CTTNBP2: variants seen among roughly 807,000 people sequenced by gnomAD.
CTTNBP2 encodes cortactin binding protein 2.
Under a neutral mutation model 156.9 loss-of-function variants are expected in CTTNBP2, and 108 were observed. The ratio of observed to expected loss-of-function variants is 0.69; its 90% CI spans 0.59 to 0.81. The LOEUF (loss-of-function observed/expected upper bound fraction) is 0.81, where lower values mean the gene tolerates loss of function less well. Among genes scored for constraint, CTTNBP2 ranks in the 30% least tolerant of loss-of-function variants. The probability of loss-of-function intolerance (pLI) is 0.00; values close to 1 mark genes in which losing one functional copy is unlikely to be tolerated. For missense variants in CTTNBP2, 1,924 were observed against 2,035.4 expected (o/e 0.95, Z 1.05); for synonymous variants, 767 against 751.8 (o/e 1.02, Z -0.33).
intron 3 of CTTNBP2, among the ~76,000 whole-genome samples, chr7:117,795,044 G>A (rs1030547307): frequency 1.3e-5 from 2 of 151,346 alleles, no homozygotes; most frequent in Non-Finnish European, 2.9e-5. Context: ...ACAGGCGCCC[G>A]CCACCGCGCC....
chr7:117,762,045 A>G (rs1797243693), intron 9 of CTTNBP2, among the ~76,000 whole-genome samples: 1 of 152,002 alleles, frequency 6.6e-6, no homozygotes, highest in Admixed American at 6.6e-5. Context: ...GATCTCCTGT[A>G]CCTCCTCGGT....
intron 1 of CTTNBP2, among the ~76,000 whole-genome samples, chr7:117,865,462 A>G (rs2117274959): frequency 6.6e-6 from 1 of 151,854 alleles, no homozygotes; most frequent in South Asian, 2.1e-4. Flanking sequence ...GGAGTTCAAG[A>G]CCAGCCTGGG....
intron 8 of CTTNBP2, among the ~76,000 whole-genome samples, chr7:117,776,462 G>A (rs1798105404): frequency 6.6e-6 from 1 of 152,114 alleles, no homozygotes; most frequent in Non-Finnish European, 1.5e-5. Flanking sequence ...AAGGCCCTGG[G>A]CCCTGCTGTG....
In CTTNBP2 at chr7:117,831,984, C is replaced by G. The variant is rs147780509; in HGVS notation, c.190-20995G>C. Among the ~76,000 whole-genome samples, 15 of 152,252 alleles carry G rather than the reference C, an allele frequency of 9.9e-5. No homozygotes were observed. In the East Asian group the frequency reaches 2.3e-3, roughly 24 times the overall value. On this transcript the variant is annotated intron_variant, in intron 2 of 22. Coordinates refer to ENST00000160373, the MANE Select transcript of CTTNBP2 (RefSeq NM_033427.3). ...ATGACCAAAATGACATATTCCAAAC[C>G]CTTAAATTCAACTACCTGTTAAATA...
At chr7:117,715,952 GT>G (rs1355506209) in intron 22 of CTTNBP2, 1 of 152,098 alleles carries the variant, frequency 6.6e-6, no homozygotes, top group Non-Finnish European at 1.5e-5. Context: ...GCCAGTCAAG[GT>G]TTCAGAAGGC....
intron 3 of CTTNBP2, among the ~76,000 whole-genome samples, chr7:117,803,208 G>A (rs1038252548): frequency 1.3e-5 from 2 of 152,058 alleles, no homozygotes; most frequent in Non-Finnish European, 2.9e-5. Context: ...ACACATATAC[G>A]CCAACTAAAA....
At chr7:117,795,416 C>T (rs1277399573) in intron 3 of CTTNBP2, among the ~76,000 whole-genome samples, 1 of 152,074 alleles carries the variant, frequency 6.6e-6, no homozygotes, top group Admixed American at 6.6e-5. Context: ...TAAACTAGGC[C>T]AGTTTTCCGC....
At chr7:117,746,142 T>C (rs368687259) in intron 12 of CTTNBP2, 43 bp from the exon 13 acceptor site, 8 of 1,386,630 alleles carry the variant, frequency 5.8e-6, no homozygotes, top group East Asian at 2.3e-5. Context: ...AGATGCTAAA[T>C]TGATGAGAGA....
Position 117,765,313 on chromosome 7 carries a change from T to C in CTTNBP2, c.2896+1746A>G, listed in dbSNP as rs966375858. ...TGGAAGTAATCATAATCTAAATGCA[T>C]ATCCTGTCTTTTTTACTTCTCTCAG... On this transcript the variant is annotated intron_variant, in intron 9 of 22. Coordinates refer to ENST00000160373, the MANE Select transcript of CTTNBP2 (RefSeq NM_033427.3). 2.6e-5 allele frequency among the ~76,000 whole-genome samples: 4 copies of C among 152,206 alleles called. No homozygotes were observed. The East Asian group carries it at 7.7e-4, about 29-fold the overall frequency.
chr7:117,789,013 T>C (rs1021205555), intron 4 of CTTNBP2, among the ~76,000 whole-genome samples: 3 of 152,202 alleles, frequency 2.0e-5, no homozygotes, highest in African/African-American at 7.2e-5. Flanking sequence ...TATATTGTCT[T>C]TTGCTCTCCA....
At chr7:117,797,642 T>G (rs1452698383) in intron 3 of CTTNBP2, among the ~76,000 whole-genome samples, 1 of 151,942 alleles carries the variant, frequency 6.6e-6, no homozygotes, top group Non-Finnish European at 1.5e-5. Flanking sequence ...AACTGATAAG[T>G]GTAATATCTA....
chr7:117,743,766 A>C (rs1796155702), intron 14 of CTTNBP2, among the ~76,000 whole-genome samples: 1 of 144,050 alleles, frequency 6.9e-6, no homozygotes, highest in African/African-American at 2.7e-5. Flanking sequence ...TGTCTCAAAA[A>C]AAAAAAAAAA....
intron 19 of CTTNBP2, among the ~76,000 whole-genome samples, chr7:117,721,808 G>A (rs1794806466): frequency 6.6e-6 from 1 of 152,194 alleles, no homozygotes; most frequent in Admixed American, 6.5e-5. Flanking sequence ...CAAATGCAGA[G>A]GCTTGTGTGT....
In CTTNBP2 at chr7:117,777,530, G is replaced by A; in HGVS notation, c.2759C>T (p.Ala920Val). 2 of 1,613,252 alleles carry A rather than the reference G, an allele frequency of 1.2e-6. No individual in the cohort carries two copies. The highest frequency in any genetic ancestry group is 8.5e-7 in the Non-Finnish European group (1 of 1,179,798). ...ACACACCTTAAAACCTTTGGAAGCA[G>A]CAATGTGGGCAGCAGTCCAGCCTTC... Reference protein sequence around the residue: ...NREGWTAAHIAASKGFKNCLE... With the variant: ...NREGWTAAHIVASKGFKNCLE... The change falls in exon 8 of 23, where the codon GCT becomes GTT. Residue 920 changes from alanine to valine, a missense_variant. Ala to Val is a moderately conservative substitution (Grantham distance 64). Coordinates refer to ENST00000160373, the MANE Select transcript of CTTNBP2 (RefSeq NM_033427.3).
chr7:117,851,992 A>G (rs1354404655), intron 2 of CTTNBP2, among the ~76,000 whole-genome samples: 1 of 152,202 alleles, frequency 6.6e-6, no homozygotes, highest in Non-Finnish European at 1.5e-5. Flanking sequence ...GTCTAATCTA[A>G]AACTAGATTC....
rs760151030 is a variant in CTTNBP2, at chr7:117,735,339, C to T, written c.3618G>A (p.Ser1206=). Residue 1206 remains serine (S), a synonymous_variant, in exon 15 of 23, where the codon TCG becomes TCA. Coordinates refer to ENST00000160373, the MANE Select transcript of CTTNBP2 (RefSeq NM_033427.3). ...ILENLEKSSL[S]ELLRDFLAPL... is the part of the protein sequence containing the mutation. The stretch of plus-strand genomic sequence containing the variant: ...GTGCCAAAAAGTCCCTCAATAACTC[C>T]GACAGTGAAGATTTTTCTAAATTTT... 6.2e-6 allele frequency: 10 copies of T among 1,613,708 alleles called. No homozygotes were observed. The highest frequency in any genetic ancestry group is 5.0e-5 in the Admixed American group (3 of 59,984).
chr7:117,845,881 C>T (rs1049619347), intron 2 of CTTNBP2, among the ~76,000 whole-genome samples: 10 of 151,382 alleles, frequency 6.6e-5, no homozygotes, highest in Non-Finnish European at 1.2e-4. Context: ...GATGGAGTCT[C>T]GCTTTGTCGC....
chr7:117,783,251 A>C (rs1298686316), intron 5 of CTTNBP2, among the ~76,000 whole-genome samples: 2 of 152,220 alleles, frequency 1.3e-5, no homozygotes, highest in African/African-American at 2.4e-5. Flanking sequence ...TGAGTAAAAA[A>C]AAATGTCATG....
At chr7:117,768,581 A>AGAAAG (rs1554419705) in intron 8 of CTTNBP2, among the ~76,000 whole-genome samples, 3 of 99,112 alleles carry the variant, frequency 3.0e-5, no homozygotes, top group African/African-American at 1.4e-4. Context: ...AAAAAAAAAA[A>AGAAAG]AAAGAAAGAA....
Sources: allele counts gnomAD v4.1 joint callset (sites outside exome capture counted in the v4.1 genomes callset), GRCh38; gene constraint gnomAD v4.1.1; transcripts MANE v1.5; gene names NCBI Gene and HGNC (gene_info 2026-07-23, HGNC 2026-07-21).